MAST4: variants seen among roughly 807,000 people sequenced by gnomAD.
MAST4 encodes microtubule associated serine/threonine kinase family member 4, also known as microtubule-associated serine/threonine-protein kinase 4.
Under a neutral mutation model 162.7 loss-of-function variants are expected in MAST4, and 89 were observed. The observed-to-expected ratio is 0.55, with a 90% CI of 0.46 to 0.65. The LOEUF (loss-of-function observed/expected upper bound fraction) is 0.65. MAST4 is among the 30% of genes least tolerant of loss of function. The pLI is 0.00. For missense variants in MAST4, 3,153 were observed against 3,374.0 expected (o/e 0.93, Z 1.62); for synonymous variants, 1,479 against 1,361.1 (o/e 1.09, Z -1.91).
chr5:66,919,738 C>T (rs142421564), intron 4 of MAST4, among the ~76,000 whole-genome samples: 1 of 151,382 alleles, frequency 6.6e-6, no homozygotes, highest in African/African-American at 2.4e-5. Context: ...CTAATAGGCA[C>T]TTTATTTACC....
chr5:66,981,441 T>C (rs1371089060), intron 4 of MAST4, among the ~76,000 whole-genome samples: 4 of 152,182 alleles, frequency 2.6e-5, no homozygotes, highest in African/African-American at 9.7e-5. Flanking sequence ...GTCTGGGACT[T>C]AGTGGCTGAA....
chr5:66,795,901 A>G (rs976360456), intron 3 of MAST4, among the ~76,000 whole-genome samples: 2 of 152,198 alleles, frequency 1.3e-5, no homozygotes, highest in African/African-American at 2.4e-5. Context: ...AGCTGTGGAC[A>G]TTATAATCAG....
chr5:67,098,809 C>G (rs954882253), intron 7 of MAST4, among the ~76,000 whole-genome samples: 3 of 152,124 alleles, frequency 2.0e-5, no homozygotes, highest in Non-Finnish European at 4.4e-5. Flanking sequence ...GGAATTTTCA[C>G]TTTTAGAAAG....
intron 23 of MAST4, among the ~76,000 whole-genome samples, chr5:67,146,908 G>T (rs1771161737): frequency 6.6e-6 from 1 of 151,968 alleles, no homozygotes; most frequent in African/African-American, 2.4e-5. Flanking sequence ...TTCTATTCCT[G>T]GTTACAAAGG....
intron 3 of MAST4, among the ~76,000 whole-genome samples, chr5:66,857,320 A>G (rs1759762567): frequency 6.6e-6 from 1 of 152,164 alleles, no homozygotes. Flanking sequence ...AGGTGTGTCT[A>G]GTTTGGGTTT....
intron 23 of MAST4, among the ~76,000 whole-genome samples, chr5:67,145,998 G>A (rs1183209894): frequency 6.6e-6 from 1 of 152,212 alleles, no homozygotes. Context: ...GGACTAAGGA[G>A]GGGAAAGGGG....
chr5:66,881,109 C>T (rs753409326), intron 3 of MAST4, among the ~76,000 whole-genome samples: 26 of 152,188 alleles, frequency 1.7e-4, no homozygotes, highest in Non-Finnish European at 3.2e-4. Flanking sequence ...CAGAAGATCC[C>T]ATTGTGCTAT....
At chr5:67,042,585 C>G (rs1239768939) in intron 4 of MAST4, among the ~76,000 whole-genome samples, 1 of 151,934 alleles carries the variant, frequency 6.6e-6, no homozygotes, top group African/African-American at 2.4e-5. Flanking sequence ...AGACTACTTC[C>G]CTTTTCGTGT....
At chr5:66,826,095 G>T (rs917526384) in intron 3 of MAST4, among the ~76,000 whole-genome samples, 10 of 151,954 alleles carry the variant, frequency 6.6e-5, no homozygotes, top group Admixed American at 5.9e-4. Flanking sequence ...TATTCCCTCC[G>T]CTAAGCCATT....
chr5:66,750,314 C>T (rs1389226781), intron 1 of MAST4, among the ~76,000 whole-genome samples: 2 of 152,176 alleles, frequency 1.3e-5, no homozygotes. Flanking sequence ...CGAATAGGAA[C>T]AGCTCAGGTC....
intron 1 of MAST4, among the ~76,000 whole-genome samples, chr5:66,637,096 C>CAT (rs1428176429): frequency 2.0e-5 from 3 of 152,100 alleles, no homozygotes; most frequent in African/African-American, 7.2e-5. Flanking sequence ...TAATAAAAGA[C>CAT]ATATGATTTA....
At chr5:66,858,371 G>A (rs773727446) in intron 3 of MAST4, among the ~76,000 whole-genome samples, 3 of 152,238 alleles carry the variant, frequency 2.0e-5, no homozygotes, top group South Asian at 2.1e-4. Flanking sequence ...TTTGAGTATG[G>A]TGTGAGGTAT....
intron 6 of MAST4, among the ~76,000 whole-genome samples, chr5:67,094,003 C>T (rs1039974252): frequency 6.6e-6 from 1 of 152,086 alleles, no homozygotes; most frequent in Non-Finnish European, 1.5e-5. Flanking sequence ...CAATTACTTT[C>T]TTCTTAAATC....
chr5:66,883,718 C>T (rs10045993), intron 3 of MAST4, among the ~76,000 whole-genome samples: 3,184 of 152,210 alleles, frequency 0.021, 59 homozygotes, highest in Middle Eastern at 0.088. Context: ...TGAGCCACCG[C>T]GCCCGGCTTT....
chr5:66,623,655 C>T (rs1744220612), intron 1 of MAST4, among the ~76,000 whole-genome samples: 3 of 152,226 alleles, frequency 2.0e-5, no homozygotes, highest in Admixed American at 2.0e-4. Context: ...GGACCCACAA[C>T]TAACGCTATA....
chr5:66,994,927 G>A (rs1381049040), intron 4 of MAST4, among the ~76,000 whole-genome samples: 2 of 152,166 alleles, frequency 1.3e-5, no homozygotes, highest in African/African-American at 4.8e-5. Flanking sequence ...CAACATGACA[G>A]AGGGAAGCAG....
intron 3 of MAST4, among the ~76,000 whole-genome samples, chr5:66,891,973 C>G (rs889556914): frequency 6.6e-6 from 1 of 152,174 alleles, no homozygotes; most frequent in African/African-American, 2.4e-5. Flanking sequence ...CCTGTGACAC[C>G]TATTCTTGTG....
chr5:66,909,047 A>G (rs2150007074), intron 4 of MAST4, among the ~76,000 whole-genome samples: 1 of 152,272 alleles, frequency 6.6e-6, no homozygotes, highest in African/African-American at 2.4e-5. Context: ...CTCCCCCCAG[A>G]TCATTTATTT....
chr5:66,663,803 A>T (rs886230839), intron 1 of MAST4, among the ~76,000 whole-genome samples: 10 of 152,230 alleles, frequency 6.6e-5, no homozygotes, highest in Admixed American at 2.0e-4. Context: ...GAGCAAAGGA[A>T]TGAAAGACAT....
Sources: gnomAD v4.1 joint callset for allele counts (sites outside exome capture counted in the v4.1 genomes callset) on GRCh38, gnomAD v4.1.1 for gene constraint, MANE v1.5 for transcripts, NCBI Gene and HGNC (gene_info 2026-07-23, HGNC 2026-07-21) for gene names.